Variants in CRIM1 observed in about 807,000 individuals in gnomAD.
CRIM1 encodes cysteine rich transmembrane BMP regulator 1.
CRIM1 carries 32 observed loss-of-function variants against 116.4 expected under a neutral mutation model. The observed-to-expected ratio is 0.27, with a 90% CI of 0.21 to 0.37. The LOEUF (loss-of-function observed/expected upper bound fraction) is 0.37. CRIM1 is among the 10% of genes least tolerant of loss of function. The pLI is 1.00. For missense variants in CRIM1, 1,331 were observed against 1,354.8 expected (o/e 0.98, Z 0.28); for synonymous variants, 590 against 509.2 (o/e 1.16, Z -2.13).
At position 36,537,667 on chromosome 2, in the gene CRIM1, C is replaced by A; in HGVS notation, c.2623+121C>A. On this transcript the variant is annotated intron_variant, in intron 14 of 16. Coordinates refer to ENST00000280527, the MANE Select transcript of CRIM1 (RefSeq NM_016441.3). The stretch of plus-strand genomic sequence containing the variant: ...ACACGGCCCAAGTAGCGTGTCAGGC[C>A]CAGTTAGCGCCTCCACCCAAAGACC... 2.8e-6 allele frequency: 3 copies of A among 1,054,566 alleles called. No homozygotes were observed. In the East Asian group the frequency reaches 8.0e-5, roughly 28 times the overall value. The allele number at this position is 1,054,566 out of a possible 1,614,324, so 65.3% of individuals were successfully genotyped here.
At chr2:36,378,894 C>A (rs1670524157) in intron 1 of CRIM1, 1 of 137,828 alleles carries the variant, frequency 7.3e-6, no homozygotes, top group Non-Finnish European at 1.5e-5. Flanking sequence ...GTGACAAGAA[C>A]ATGAACCTGC....
chr2:36,492,509 T>C (rs1182426076), intron 7 of CRIM1, among the ~76,000 whole-genome samples: 1 of 152,162 alleles, frequency 6.6e-6, no homozygotes, highest in African/African-American at 2.4e-5. Context: ...TAGTAGAGTT[T>C]TCCCTCTAGC....
intron 8 of CRIM1, among the ~76,000 whole-genome samples, chr2:36,503,482 C>T (rs751214257): frequency 2.0e-5 from 3 of 152,178 alleles, no homozygotes; most frequent in Non-Finnish European, 4.4e-5. Context: ...TATTTTATAG[C>T]ATCTTCTTCT....
intron 5 of CRIM1, among the ~76,000 whole-genome samples, chr2:36,467,484 A>G (rs1461807125): frequency 6.6e-6 from 1 of 152,242 alleles, no homozygotes; most frequent in Non-Finnish European, 1.5e-5. Flanking sequence ...TAAGGTCACC[A>G]TTAGAAGATA....
chr2:36,525,927 T>C (rs1310262030), intron 13 of CRIM1, among the ~76,000 whole-genome samples: 1 of 152,236 alleles, frequency 6.6e-6, no homozygotes, highest in Non-Finnish European at 1.5e-5. Context: ...GTGTTCCTTG[T>C]GTCAAATTGT....
At chr2:36,365,118 T>A (rs544023134) in intron 1 of CRIM1, among the ~76,000 whole-genome samples, 30 of 152,100 alleles carry the variant, frequency 2.0e-4, no homozygotes, top group African/African-American at 7.2e-4. Context: ...GGGCTGGGAA[T>A]ACAGGGTCTA....
chr2:36,463,359 G>A (rs1162101398), intron 4 of CRIM1, among the ~76,000 whole-genome samples: 1 of 152,126 alleles, frequency 6.6e-6, no homozygotes, highest in Non-Finnish European at 1.5e-5. Context: ...AATAAGAAGG[G>A]GGGACAAAAG....
intron 7 of CRIM1, among the ~76,000 whole-genome samples, chr2:36,482,214 A>T (rs1679473947): frequency 6.6e-6 from 1 of 152,152 alleles, no homozygotes; most frequent in Admixed American, 6.5e-5. Flanking sequence ...GGTTCTCAGA[A>T]ATAATTTATC....
chr2:36,505,441 C>T lies in CRIM1; in HGVS notation c.1502-4542C>T, dbSNP rs112039330. Among the ~76,000 whole-genome samples the T allele has an allele frequency of 1.5e-3, 105 of 67,938 alleles. 1 individual carries two copies. The highest frequency in any genetic ancestry group is 6.0e-3 in the African/African-American group (104 of 17,360). 44.6% of individuals were successfully genotyped at this position (67,938 alleles called of 152,430 possible). A position where few individuals can be genotyped will look rare whatever the true frequency, so the allele number is the denominator to read the frequency against. ...AGACCTAAAACATTTCTAATAGTAA[C>T]AATTAAAGTAAGCATGAGTTATATA... On this transcript the variant is annotated intron_variant, in intron 8 of 16. Transcript: ENST00000280527.
Position 36,496,746 on chromosome 2 carries a change from T to C in CRIM1, c.1373-2473T>C, listed in dbSNP as rs1572869609. On this transcript the variant is annotated intron_variant, in intron 7 of 16. Transcript: ENST00000280527. ...GTACATCTGTGACTGTGTACCTAAC[T>C]GTTGAAGCCATTTGGATAGATTGGC... Among the ~76,000 whole-genome samples the C allele has an allele frequency of 3.3e-5, 5 of 152,354 alleles. No individual in the cohort carries two copies. The East Asian group carries it at 5.8e-4, about 18-fold the overall frequency.
At chr2:36,378,755 C>G (rs1443680018) in intron 1 of CRIM1, 1 of 149,892 alleles carries the variant, frequency 6.7e-6, no homozygotes, top group East Asian at 2.0e-4. Context: ...CAAAAGACAT[C>G]AAGCTAGAGA....
chr2:36,426,526 A>G (rs1457815450), intron 2 of CRIM1, among the ~76,000 whole-genome samples: 1 of 152,180 alleles, frequency 6.6e-6, no homozygotes, highest in Non-Finnish European at 1.5e-5. Context: ...TGAATAGGGA[A>G]GATAGTGAAG....
Position 36,464,513 on chromosome 2 carries a change from T to G in CRIM1, c.870-21T>G, listed in dbSNP as rs755777377. 6 of 1,613,824 alleles carry G rather than the reference T, an allele frequency of 3.7e-6. No homozygotes were observed. In the South Asian group the frequency reaches 6.6e-5, roughly 18 times the overall value. ...TTGTTGTTTATTCATGGGGTTTTCCTTCCCTTTTCTTTGGTTTCAGATGCG... is the reference window on the plus strand; with the variant it reads ...TTGTTGTTTATTCATGGGGTTTTCCGTCCCTTTTCTTTGGTTTCAGATGCG... On this transcript the variant is annotated intron_variant, in intron 4 of 16. Coordinates refer to ENST00000280527, the MANE Select transcript of CRIM1 (RefSeq NM_016441.3).
intron 5 of CRIM1, among the ~76,000 whole-genome samples, chr2:36,467,779 C>T (rs1233408368): frequency 1.3e-5 from 2 of 152,126 alleles, no homozygotes; most frequent in African/African-American, 4.8e-5. Context: ...GTTTTCTGGC[C>T]ATCAAAGTGA....
chr2:36,441,039 C>T (rs570628417), intron 2 of CRIM1, among the ~76,000 whole-genome samples: 4 of 152,182 alleles, frequency 2.6e-5, no homozygotes, highest in South Asian at 2.1e-4. Context: ...GGTAGGGAGA[C>T]GGAGAAGAAG....
Position 36,528,576 on chromosome 2 carries a change from G to C in CRIM1, c.2428+6263G>C, listed in dbSNP as rs115945287. 4.9e-3 allele frequency among the ~76,000 whole-genome samples: 744 copies of C among 152,314 alleles called. 9 individuals carry two copies. Among genetic ancestry groups the C allele is most frequent in the African/African-American group, 0.017 (715 of 41,562 alleles). ...GTGATTCCTGGGAACAGAGTACGTG[G>C]CATTTATCATCAGGGCGCACCCTCA... On this transcript the variant is annotated intron_variant, in intron 13 of 16. Transcript: ENST00000280527.
Position 36,546,763 on chromosome 2 carries a change from ATTTTTTTTTTTTTT to A in CRIM1, c.2747-207_2747-194del, listed in dbSNP as rs775086985. Among the ~76,000 whole-genome samples, 305 of 101,856 alleles carry A rather than the reference ATTTTTTTTTTTTTT, an allele frequency of 3.0e-3. 2 individuals are homozygous for A. The highest frequency in any genetic ancestry group is 0.011 in the African/African-American group (293 of 26,098). 66.8% of individuals were successfully genotyped at this position (101,856 alleles called of 152,430 possible). ...CCCAATTATTAAGATTCTCACTCTG[ATTTTTTTTTTTTTT>A]TTTTTTTTTTTTTAACATTCATCCC... On this transcript the variant is annotated intron_variant, in intron 15 of 16. Coordinates refer to ENST00000280527, the MANE Select transcript of CRIM1 (RefSeq NM_016441.3).
At chr2:36,431,233 G>C (rs1458911044) in intron 2 of CRIM1, among the ~76,000 whole-genome samples, 1 of 152,040 alleles carries the variant, frequency 6.6e-6, no homozygotes, top group African/African-American at 2.4e-5. Context: ...TGAGTACTCT[G>C]TGTGTGTGTA....
intron 5 of CRIM1, among the ~76,000 whole-genome samples, chr2:36,472,463 C>A (rs1416436750): frequency 2.6e-5 from 4 of 152,248 alleles, no homozygotes; most frequent in African/African-American, 9.6e-5. Context: ...CTCCATCTTT[C>A]TCACTTCCAC....
Sources: allele counts gnomAD v4.1 joint callset (sites outside exome capture counted in the v4.1 genomes callset), GRCh38; gene constraint gnomAD v4.1.1; transcripts MANE v1.5; gene names NCBI Gene and HGNC (gene_info 2026-07-23, HGNC 2026-07-21).